The following CLASP1 variants were observed in gnomAD, a reference collection of about 807,000 sequenced individuals.
CLASP1 encodes cytoplasmic linker associated protein 1, also known as CLIP-associating protein 1.
CLASP1 carries 38 observed loss-of-function variants against 192.3 expected under a neutral mutation model. The ratio of observed to expected loss-of-function variants is 0.20; its 90% CI spans 0.15 to 0.26. CLASP1 has a LOEUF of 0.26. CLASP1 is among the 10% of genes least tolerant of loss of function. CLASP1 has a pLI of 1.00. For missense variants in CLASP1, 1,433 were observed against 1,932.5 expected (o/e 0.74, Z 4.85); for synonymous variants, 691 against 712.8 (o/e 0.97, Z 0.49).
chr2:121,612,013 T>G lies in CLASP1; in HGVS notation c.-285-5833A>C, dbSNP rs1478976677. On this transcript the variant is annotated intron_variant, in intron 1 of 39. Coordinates refer to ENST00000263710, the Ensembl canonical transcript of CLASP1. ...GGAACTGGAGGAGGAGGAGAAGGAGTTACAGGAGGAAGAGGAACTGGAAGA... is the reference window on the plus strand; with the variant it reads ...GGAACTGGAGGAGGAGGAGAAGGAGGTACAGGAGGAAGAGGAACTGGAAGA... Among the ~76,000 whole-genome samples the G allele has an allele frequency of 1.5e-3, 130 of 87,870 alleles. No individual in the cohort carries two copies. The Middle Eastern group carries it at 0.033, about 22-fold the overall frequency. 57.6% of individuals were successfully genotyped at this position (87,870 alleles called of 152,430 possible).
At chr2:121,492,631 G>C (rs960034906) in intron 8 of CLASP1, among the ~76,000 whole-genome samples, 1 of 146,780 alleles carries the variant, frequency 6.8e-6, no homozygotes, top group African/African-American at 2.5e-5. Flanking sequence ...ACCACAATGA[G>C]ACACTACTTC....
At chr2:121,409,086 T>C (rs542677858) in intron 24 of CLASP1, 2 of 1,521,406 alleles carry the variant, frequency 1.3e-6, no homozygotes, top group Admixed American at 2.0e-5. Context: ...GGAAAAAGCA[T>C]AGAGAATTAT....
intron 32 of CLASP1, among the ~76,000 whole-genome samples, chr2:121,383,219 C>T (rs2072206551): frequency 6.6e-6 from 1 of 152,218 alleles, no homozygotes; most frequent in Admixed American, 6.5e-5. Flanking sequence ...AGGGTGCCTA[C>T]ACAGCAGCCC....
chr2:121,539,979 C>T (rs965848571), intron 2 of CLASP1, among the ~76,000 whole-genome samples: 3 of 152,170 alleles, frequency 2.0e-5, no homozygotes, highest in African/African-American at 4.8e-5. Flanking sequence ...GGTGTGGTAC[C>T]ACAGAAACTC....
intron 8 of CLASP1, among the ~76,000 whole-genome samples, chr2:121,500,965 C>G (rs541611846): frequency 6.6e-6 from 1 of 152,270 alleles, no homozygotes; most frequent in African/African-American, 2.4e-5. Context: ...TTATACCTAG[C>G]CACTTAGAAT....
chr2:121,483,482 G>A (rs895317551), intron 8 of CLASP1, among the ~76,000 whole-genome samples: 1 of 151,114 alleles, frequency 6.6e-6, no homozygotes, highest in East Asian at 1.9e-4. Context: ...ATATATGTAT[G>A]TATATATATA....
intron 39 of CLASP1, among the ~76,000 whole-genome samples, chr2:121,344,986 C>T (rs750708854): frequency 3.3e-5 from 5 of 152,122 alleles, no homozygotes; most frequent in Non-Finnish European, 7.3e-5. Flanking sequence ...GGCAAAACCC[C>T]GTGTTGACTA....
At chr2:121,371,401 TA>T (rs1164354586) in intron 34 of CLASP1, among the ~76,000 whole-genome samples, 1 of 151,620 alleles carries the variant, frequency 6.6e-6, no homozygotes, top group Non-Finnish European at 1.5e-5. Flanking sequence ...CTAGATAAAT[TA>T]AATTTTTTTT....
chr2:121,548,786 T>C (rs1276480794), intron 2 of CLASP1, among the ~76,000 whole-genome samples: 1 of 151,232 alleles, frequency 6.6e-6, no homozygotes, highest in African/African-American at 2.4e-5. Context: ...AAAAAAAAAA[T>C]CTTCAACCAA....
intron 19 of CLASP1, among the ~76,000 whole-genome samples, chr2:121,436,800 C>A (rs117654809): frequency 3.9e-5 from 6 of 152,220 alleles, no homozygotes; most frequent in Non-Finnish European, 7.4e-5. Flanking sequence ...TCTTAAACTC[C>A]CATTAGACAT....
chr2:121,501,861 TGAG>T (rs1430913877), intron 8 of CLASP1, among the ~76,000 whole-genome samples: 3 of 152,172 alleles, frequency 2.0e-5, no homozygotes, highest in African/African-American at 4.8e-5. Flanking sequence ...GTAGTAATGA[TGAG>T]GAGAATTACT....
chr2:121,570,573 T>C (rs1211080940), intron 2 of CLASP1, among the ~76,000 whole-genome samples: 1 of 152,222 alleles, frequency 6.6e-6, no homozygotes, highest in East Asian at 1.9e-4. Flanking sequence ...ACAGCAAGCA[T>C]GTAGTTTTCA....
At chr2:121,339,245 A>G (rs1225773723) in exon 40 of CLASP1, 2 of 152,402 alleles carry the variant, frequency 1.3e-5, no homozygotes, top group African/African-American at 4.8e-5. Context: ...AATCAACATC[A>G]GTCTTTCCCA....
intron 2 of CLASP1, among the ~76,000 whole-genome samples, chr2:121,542,229 T>G (rs1027779210): frequency 2.0e-5 from 3 of 152,214 alleles, no homozygotes; most frequent in Non-Finnish European, 4.4e-5. Context: ...GGATGCACAC[T>G]TCTACATATG....
At position 121,530,909 on chromosome 2, in the gene CLASP1, G is replaced by A. The variant is rs374299350; in HGVS notation, c.196-584C>T. ...ATCCTTTTCTTGGGGTTGCGCTACT[G>A]TCCAATGAGCGCATAGTGAGGGCAG... On this transcript the variant is annotated intron_variant, in intron 2 of 39. Coordinates refer to ENST00000263710, the Ensembl canonical transcript of CLASP1. 6.0e-5 allele frequency: 42 copies of A among 699,036 alleles called. No homozygotes were observed. The highest frequency in any genetic ancestry group is 3.7e-4 in the Middle Eastern group (1 of 2,734). 43.3% of individuals were successfully genotyped at this position (699,036 alleles called of 1,614,324 possible). A position where few individuals can be genotyped will look rare whatever the true frequency, so the allele number is the denominator to read the frequency against.
intron 38 of CLASP1, 45 bp from the exon 40 acceptor site, chr2:121,347,199 T>C (rs1300360615): frequency 7.7e-7 from 1 of 1,299,274 alleles, no homozygotes; most frequent in Non-Finnish European, 1.1e-6. Context: ...AGATCAAAGA[T>C]TCATTCCATA....
rs1483628433 is a variant in CLASP1 at position 121,449,022 on chromosome 2, T to C, written c.1622A>G (p.Lys541Arg). 3 of 1,613,860 alleles carry C rather than the reference T, an allele frequency of 1.9e-6. No individual in the cohort carries two copies. The African/African-American group carries it at 4.0e-5, about 22-fold the overall frequency. The change falls in exon 17 of 40, where the codon AAG becomes AGG. Residue 541 changes from lysine (K) to arginine (R), a missense_variant. Transcript: ENST00000263710. ...CAGAGACACTATGCTGTCTGAGTTC[T>C]TCAGGTGGGACTGCAGGGCTTTCTG...
intron 8 of CLASP1, among the ~76,000 whole-genome samples, chr2:121,478,249 C>T (rs1381636855): frequency 1.3e-5 from 2 of 152,068 alleles, no homozygotes; most frequent in South Asian, 4.1e-4. Context: ...CAGTAAAACG[C>T]TTTCATGCTA....
chr2:121,379,884 C>A (rs2071226863), intron 33 of CLASP1, among the ~76,000 whole-genome samples: 1 of 152,170 alleles, frequency 6.6e-6, no homozygotes, highest in Non-Finnish European at 1.5e-5. Context: ...ATAAAGGATT[C>A]TGCCAGGTAA....
Sources: allele counts gnomAD v4.1 joint callset (sites outside exome capture counted in the v4.1 genomes callset), GRCh38; gene constraint gnomAD v4.1.1; transcripts MANE v1.5; gene names NCBI Gene and HGNC (gene_info 2026-07-23, HGNC 2026-07-21).